The following ITPRID1 variants were observed in gnomAD, a reference collection of about 807,000 sequenced individuals.
The protein encoded by ITPRID1 is protein ITPRID1.
ITPRID1 carries 96 observed loss-of-function variants against 95.4 expected under a neutral mutation model. The ratio of observed to expected loss-of-function variants is 1.01; its 90% CI spans 0.85 to 1.19. The LOEUF is 1.19. Ranked by LOEUF, ITPRID1 falls within the 50% of genes most tolerant of loss-of-function variation. The pLI is 0.00. For synonymous variants in ITPRID1, 510 were observed against 453.6 expected, an observed-to-expected ratio of 1.12 and a Z score of -1.58; for missense variants, 1,339 against 1,252.9, an observed-to-expected ratio of 1.07 and a Z score of -1.04.
rs754894678 is a variant in ITPRID1 at position 31,578,087 on chromosome 7, G to T, written c.823G>T (p.Glu275Ter). The change falls in exon 9 of 15, where the codon GAG becomes TAG. Residue 275 changes from glutamate (E) to a stop codon, truncating the protein, a stop_gained. Transcript: ENST00000615280. LOFTEE classifies it high-confidence loss of function. ...IRRDCNPEVS[E>*]SFKVKDEVFV... ...GCGGGATTGTAACCCAGAGGTATCA[G>T]AGTCCTTCAAGGTGAAGGATGAAGT... The T allele has an allele frequency of 1.2e-6, 2 of 1,613,754 alleles. No homozygotes were observed. Among genetic ancestry groups the T allele is most frequent in the Non-Finnish European group, 1.7e-6 (2 of 1,179,798 alleles).
chr7:31,627,641 C>T (rs1291341371), intron 10 of ITPRID1, among the ~76,000 whole-genome samples: 1 of 101,190 alleles, frequency 9.9e-6, no homozygotes, highest in Non-Finnish European at 1.8e-5. Context: ...GCCTGAGCAA[C>T]AGAGCAAGAC....
intron 12 of ITPRID1, among the ~76,000 whole-genome samples, chr7:31,649,027 C>T (rs572355122): frequency 2.4e-4 from 36 of 152,360 alleles, no homozygotes; most frequent in African/African-American, 8.4e-4. Context: ...ATCAGTATCA[C>T]TTCAGAGATT....
At chr7:31,601,000 G>A (rs1786371333) in intron 10 of ITPRID1, among the ~76,000 whole-genome samples, 1 of 152,076 alleles carries the variant, frequency 6.6e-6, no homozygotes, top group East Asian at 1.9e-4. Flanking sequence ...CTCATGCCTA[G>A]CCACCTGTAA....
At chr7:31,518,705 A>G (rs190461058) in intron 1 of ITPRID1, among the ~76,000 whole-genome samples, 11 of 152,348 alleles carry the variant, frequency 7.2e-5, no homozygotes, top group East Asian at 5.8e-4. Flanking sequence ...CTAAAAAACA[A>G]TTCTAACAAG....
chr7:31,627,530 C>T (rs1175152407), intron 10 of ITPRID1, among the ~76,000 whole-genome samples: 1 of 151,976 alleles, frequency 6.6e-6, no homozygotes, highest in African/African-American at 2.4e-5. Context: ...GGATGGTGCA[C>T]ACCTGTAGTC....
chr7:31,520,540 TGTGTGTGTGTGTGTGTGTGTGTGTGA>T (rs1367688951), intron 1 of ITPRID1, among the ~76,000 whole-genome samples: 1 of 73,968 alleles, frequency 1.4e-5, no homozygotes. Context: ...TGTGTGTGTG[TGTGTGTGTGTGTGTGTGTGTGTGTGA>T]GAGAGAGAGA....
At chr7:31,603,671 G>C (rs763443557) in intron 10 of ITPRID1, among the ~76,000 whole-genome samples, 1 of 152,024 alleles carries the variant, frequency 6.6e-6, no homozygotes, top group Non-Finnish European at 1.5e-5. Context: ...GTGAATCCCC[G>C]TAGAATTGAA....
chr7:31,558,257 T>A lies in ITPRID1; in HGVS notation c.256+3356T>A, dbSNP rs186091868. ...CACAGTTGTGAGCCAAATAAACTTCTTTTCTTTATAAATTACTCAGTCTGC... is the reference window on the plus strand; with the variant it reads ...CACAGTTGTGAGCCAAATAAACTTCATTTCTTTATAAATTACTCAGTCTGC... On this transcript the variant is annotated intron_variant, in intron 5 of 14. Transcript: ENST00000615280. Among the ~76,000 whole-genome samples the A allele has an allele frequency of 2.9e-4, 44 of 152,308 alleles. No homozygotes were observed. The East Asian group carries it at 8.5e-3, about 29-fold the overall frequency.
chr7:31,551,581 AT>A (rs1291459855), intron 2 of ITPRID1, among the ~76,000 whole-genome samples: 1 of 143,798 alleles, frequency 7.0e-6, no homozygotes, highest in African/African-American at 2.4e-5. Flanking sequence ...GACAGCCATC[AT>A]AATTATTGAT....
downstream of ITPRID1, among the ~76,000 whole-genome samples, chr7:31,656,952 C>T (rs1021310205): frequency 6.7e-6 from 1 of 149,180 alleles, no homozygotes; most frequent in Non-Finnish European, 1.5e-5. Context: ...GATGCTGCCT[C>T]CAAATACCAC....
chr7:31,527,600 CCTT>C (rs1783462028), intron 1 of ITPRID1, among the ~76,000 whole-genome samples: 1 of 152,160 alleles, frequency 6.6e-6, no homozygotes, highest in Non-Finnish European at 1.5e-5. Context: ...CTCTCAGCCT[CCTT>C]GGCTAAATTC....
intron 1 of ITPRID1, among the ~76,000 whole-genome samples, chr7:31,531,890 T>G (rs909666341): frequency 1.3e-5 from 2 of 152,072 alleles, no homozygotes; most frequent in Admixed American, 1.3e-4. Context: ...GTCAGGGAGA[T>G]GAGGAACAAG....
At chr7:31,587,786 A>C (rs1384832652) in intron 10 of ITPRID1, among the ~76,000 whole-genome samples, 1 of 150,834 alleles carries the variant, frequency 6.6e-6, no homozygotes, top group Non-Finnish European at 1.5e-5. Context: ...TGGTACCAAA[A>C]CAGAGATATA....
intron 7 of ITPRID1, among the ~76,000 whole-genome samples, chr7:31,572,842 G>C (rs1052673249): frequency 6.6e-6 from 1 of 152,132 alleles, no homozygotes; most frequent in East Asian, 1.9e-4. Flanking sequence ...TGAAGCCTTT[G>C]GAAAGCAGGA....
intron 1 of ITPRID1, among the ~76,000 whole-genome samples, chr7:31,514,573 G>A (rs1782991484): frequency 6.6e-6 from 1 of 152,120 alleles, no homozygotes; most frequent in Admixed American, 6.5e-5. Context: ...GAGGGAGAGA[G>A]AGAGTCCAGC....
At chr7:31,550,583 T>G (rs1784253121) in intron 2 of ITPRID1, among the ~76,000 whole-genome samples, 1 of 152,158 alleles carries the variant, frequency 6.6e-6, no homozygotes, top group Admixed American at 6.5e-5. Context: ...AGGAAGGCCA[T>G]TCAAGCTTTA....
intron 1 of ITPRID1, among the ~76,000 whole-genome samples, chr7:31,521,726 CTTT>C (rs1210776505): frequency 1.4e-3 from 31 of 22,672 alleles, no homozygotes; most frequent in Non-Finnish European, 2.1e-3. Flanking sequence ...TTCCTTCCTT[CTTT>C]CTTTCTTTTG....
At position 31,653,984 on chromosome 7, in the gene ITPRID1, G is replaced by A. The variant is rs554001633; in HGVS notation, c.*1155G>A. Reference sequence around the variant, plus strand: ...CTACTGTGTGCAGGCTACTATTCTAGTGCTGGAGACAGCCATAAATAAGAC... The same window carrying A: ...CTACTGTGTGCAGGCTACTATTCTAATGCTGGAGACAGCCATAAATAAGAC... On this transcript the variant is annotated 3_prime_UTR_variant, in exon 15 of 15. Transcript: ENST00000615280. Among the ~76,000 whole-genome samples, 12 of 148,154 alleles carry A rather than the reference G, an allele frequency of 8.1e-5. No homozygotes were observed. Among genetic ancestry groups the A allele is most frequent in the African/African-American group, 3.0e-4 (12 of 40,260 alleles).
chr7:31,607,560 T>C (rs1226147689), intron 10 of ITPRID1, among the ~76,000 whole-genome samples: 1 of 152,224 alleles, frequency 6.6e-6, no homozygotes, highest in East Asian at 1.9e-4. Context: ...TCTGTTCTGT[T>C]ACTCTCTCCA....
Sources: gnomAD v4.1 joint callset for allele counts (sites outside exome capture counted in the v4.1 genomes callset) on GRCh38, gnomAD v4.1.1 for gene constraint, MANE v1.5 for transcripts, NCBI Gene and HGNC (gene_info 2026-07-23, HGNC 2026-07-21) for gene names.